The following GPATCH2 variants were observed in gnomAD, a reference collection of about 807,000 sequenced individuals.
The protein encoded by GPATCH2 is G patch domain-containing protein 2.
A neutral mutation model predicts 58.0 loss-of-function variants in GPATCH2; 51 were observed. That is an observed-to-expected ratio of 0.88 (90% CI 0.70 to 1.11). GPATCH2 has a LOEUF of 1.11. GPATCH2 is among the 50% of genes most tolerant of loss of function. The pLI, the probability that GPATCH2 is intolerant of heterozygous loss-of-function variation, is 0.00. For missense variants in GPATCH2, 625 were observed against 652.2 expected (o/e 0.96, Z 0.45); for synonymous variants, 222 against 218.5 (o/e 1.02, Z -0.14).
chr1:217,437,436 T>G (rs1658892560), intron 9 of GPATCH2, among the ~76,000 whole-genome samples: 1 of 152,102 alleles, frequency 6.6e-6, no homozygotes, highest in Non-Finnish European at 1.5e-5. Flanking sequence ...GTGGTCTAGC[T>G]CAGCACATCC....
At chr1:217,554,963 C>T (rs919326623) in intron 5 of GPATCH2, among the ~76,000 whole-genome samples, 1 of 152,144 alleles carries the variant, frequency 6.6e-6, no homozygotes, top group African/African-American at 2.4e-5. Flanking sequence ...GACAGTGCTA[C>T]AAAGAGTAGG....
intron 2 of GPATCH2, among the ~76,000 whole-genome samples, chr1:217,619,316 T>C (rs1333428663): frequency 1.3e-5 from 2 of 152,194 alleles, no homozygotes; most frequent in Admixed American, 6.5e-5. Flanking sequence ...TGATCAGAAT[T>C]CCTAGAAAGC....
intron 5 of GPATCH2, among the ~76,000 whole-genome samples, chr1:217,535,952 CA>C (rs1161543388): frequency 6.6e-6 from 1 of 152,188 alleles, no homozygotes; most frequent in Non-Finnish European, 1.5e-5. Context: ...AAATCACTTA[CA>C]CTGTTTTTGT....
chr1:217,573,850 C>T (rs17046616), intron 5 of GPATCH2, among the ~76,000 whole-genome samples: 5,863 of 152,208 alleles, frequency 0.039, 134 homozygotes, highest in Middle Eastern at 0.088. Flanking sequence ...CTATCCTGGC[C>T]GTTAATTATA....
chr1:217,618,906 T>C (rs1571665886), intron 2 of GPATCH2, among the ~76,000 whole-genome samples: 1 of 151,024 alleles, frequency 6.6e-6, no homozygotes, highest in South Asian at 2.1e-4. Flanking sequence ...GAGGTTGCAA[T>C]GAGCTGAGAT....
At chr1:217,611,387 GCTTCA>G (rs71556691) in intron 3 of GPATCH2, among the ~76,000 whole-genome samples, 51,018 of 151,556 alleles carry the variant, frequency 0.34, 8,867 homozygotes, top group Non-Finnish European at 0.39. Flanking sequence ...TTATACCACA[GCTTCA>G]CTTAAGAAAT....
intron 8 of GPATCH2, among the ~76,000 whole-genome samples, chr1:217,458,069 C>T (rs1660030422): frequency 1.3e-5 from 2 of 152,192 alleles, no homozygotes; most frequent in African/African-American, 2.4e-5. Context: ...CTACTAAAAA[C>T]ACACAAAAAA....
At chr1:217,495,569 A>T (rs1220933376) in intron 7 of GPATCH2, among the ~76,000 whole-genome samples, 1 of 152,230 alleles carries the variant, frequency 6.6e-6, no homozygotes, top group Non-Finnish European at 1.5e-5. Flanking sequence ...ATTAAAGAAG[A>T]CAAAACAAAA....
chr1:217,504,620 C>T (rs557889579), intron 6 of GPATCH2, among the ~76,000 whole-genome samples: 4 of 152,198 alleles, frequency 2.6e-5, no homozygotes, highest in Admixed American at 6.5e-5. Flanking sequence ...ATTCTTACAA[C>T]GATTTTATGA....
chr1:217,455,617 C>T (rs985781567), intron 8 of GPATCH2, among the ~76,000 whole-genome samples: 3 of 152,092 alleles, frequency 2.0e-5, no homozygotes, highest in Non-Finnish European at 4.4e-5. Flanking sequence ...TCTGGAGCTA[C>T]TGTTTATTGT....
chr1:217,437,567 C>T (rs1029715149), intron 9 of GPATCH2, among the ~76,000 whole-genome samples: 1 of 152,192 alleles, frequency 6.6e-6, no homozygotes, highest in Admixed American at 6.5e-5. Flanking sequence ...TCCGCCATTA[C>T]TGAGGCTTGA....
intron 5 of GPATCH2, among the ~76,000 whole-genome samples, chr1:217,524,988 C>T (rs866727291): frequency 1.1e-3 from 134 of 124,766 alleles, no homozygotes; most frequent in Non-Finnish European, 1.7e-3. Flanking sequence ...AAAAGCTTCT[C>T]GTGTGTGGGA....
At chr1:217,563,318 C>G (rs988755670) in intron 5 of GPATCH2, among the ~76,000 whole-genome samples, 1 of 152,098 alleles carries the variant, frequency 6.6e-6, no homozygotes, top group South Asian at 2.1e-4. Context: ...TTATACTGCT[C>G]AACCCTTCAA....
chr1:217,445,492 G>T (rs1373106018), intron 9 of GPATCH2, among the ~76,000 whole-genome samples: 1 of 151,912 alleles, frequency 6.6e-6, no homozygotes, highest in Admixed American at 6.6e-5. Context: ...CTTTACAGAT[G>T]ACATTTTTCA....
intron 5 of GPATCH2, among the ~76,000 whole-genome samples, chr1:217,602,106 C>T (rs1054351132): frequency 6.6e-6 from 1 of 152,146 alleles, no homozygotes; most frequent in Non-Finnish European, 1.5e-5. Context: ...ACCTAATGTA[C>T]TCTCTATACT....
intron 1 of GPATCH2, among the ~76,000 whole-genome samples, chr1:217,626,413 AT>A (rs1257844023): frequency 6.6e-6 from 1 of 152,164 alleles, no homozygotes; most frequent in Non-Finnish European, 1.5e-5. Context: ...AAGATAGAAA[AT>A]GTTGGTTGGT....
At chr1:217,602,547 CA>C (rs1668156407) in intron 5 of GPATCH2, among the ~76,000 whole-genome samples, 1 of 152,138 alleles carries the variant, frequency 6.6e-6, no homozygotes, top group Non-Finnish European at 1.5e-5. Context: ...AGCAATGTGA[CA>C]GCTATGAGGC....
intron 6 of GPATCH2, chr1:217,498,848 C>G (rs2102548105): frequency 4.7e-6 from 1 of 211,230 alleles, no homozygotes; most frequent in South Asian, 6.7e-5. Flanking sequence ...ACACAAAGCC[C>G]TTGATATGAA....
intron 6 of GPATCH2, among the ~76,000 whole-genome samples, chr1:217,513,890 T>C (rs1184858126): frequency 2.6e-5 from 4 of 151,792 alleles, no homozygotes; most frequent in East Asian, 3.9e-4. Flanking sequence ...AGTGGAGCGA[T>C]CTCGGCTCAC....
Sources: allele counts gnomAD v4.1 joint callset (sites outside exome capture counted in the v4.1 genomes callset), GRCh38; gene constraint gnomAD v4.1.1; transcripts MANE v1.5; gene names NCBI Gene and HGNC (gene_info 2026-07-23, HGNC 2026-07-21).